The following PDE4D variants were observed in gnomAD, a reference collection of about 807,000 sequenced individuals.
PDE4D encodes the protein phosphodiesterase 4D, also known as 3',5'-cyclic-AMP phosphodiesterase 4D.
Under a neutral mutation model 87.4 loss-of-function variants are expected in PDE4D, and 24 were observed. That is an observed-to-expected ratio of 0.27 (90% CI 0.20 to 0.39). The LOEUF is 0.39. Ranked by LOEUF, PDE4D falls within the 10% of genes least tolerant of loss-of-function variation. PDE4D has a pLI of 1.00. For missense variants in PDE4D, 714 were observed against 1,041.0 expected (o/e 0.69, Z 4.32); for synonymous variants, 384 against 383.2 (o/e 1.00, Z -0.02).
chr5:59,879,741 T>G (rs137891207), intron 1 of PDE4D, among the ~76,000 whole-genome samples: 24 of 152,268 alleles, frequency 1.6e-4, no homozygotes, highest in Non-Finnish European at 2.5e-4. Context: ...TGTTTTTGGG[T>G]TTTTTTGTTG....
At chr5:60,211,332 T>C (rs375395599) in intron 1 of PDE4D, among the ~76,000 whole-genome samples, 15 of 151,972 alleles carry the variant, frequency 9.9e-5, no homozygotes, top group African/African-American at 2.4e-4. Context: ...ATTTTGCAGA[T>C]TGGGGAGCTA....
chr5:59,829,935 T>G (rs7718096), intron 1 of PDE4D, among the ~76,000 whole-genome samples: 1 of 151,608 alleles, frequency 6.6e-6, no homozygotes, highest in Non-Finnish European at 1.5e-5. Context: ...TTTTTAATTT[T>G]AAAAAAAATC....
chr5:60,436,831 C>A (rs1744796937), intron 1 of PDE4D, among the ~76,000 whole-genome samples: 1 of 152,012 alleles, frequency 6.6e-6, no homozygotes, highest in Non-Finnish European at 1.5e-5. Context: ...GAAAATTCAG[C>A]ACTGTTTTTA....
chr5:60,106,823 A>G (rs1776994766), intron 2 of PDE4D, among the ~76,000 whole-genome samples: 1 of 152,026 alleles, frequency 6.6e-6, no homozygotes, highest in Admixed American at 6.5e-5. Flanking sequence ...GAACAAAGAC[A>G]CAACATACCA....
chr5:59,751,573 T>TA lies in PDE4D; in HGVS notation c.455+141594_455+141595insT, dbSNP rs1760464216. On this transcript the variant is annotated intron_variant, in intron 1 of 14. Transcript: ENST00000340635. ...TGTTTCTTTTATACATATAAATCCC[T>TA]GGTGTGTGTGTGTGTGTGTGTGTGT... Among the ~76,000 whole-genome samples, 5 of 75,320 alleles carry TA rather than the reference T, an allele frequency of 6.6e-5. No individual in the cohort carries two copies. The South Asian group carries it at 2.3e-3, about 34-fold the overall frequency. 49.4% of individuals were successfully genotyped at this position (75,320 alleles called of 152,430 possible).
At chr5:58,977,902 C>T (rs866590374) in intron 11 of PDE4D, among the ~76,000 whole-genome samples, 9 of 152,156 alleles carry the variant, frequency 5.9e-5, no homozygotes, top group Admixed American at 3.3e-4. Context: ...TTCCAAGTAT[C>T]GTGGCAGTCA....
intron 1 of PDE4D, among the ~76,000 whole-genome samples, chr5:59,362,076 G>A (rs892085261): frequency 2.0e-5 from 3 of 152,144 alleles, no homozygotes; most frequent in African/African-American, 7.2e-5. Context: ...ACCTTGCTGA[G>A]TTTCAGTGTC....
intron 1 of PDE4D, among the ~76,000 whole-genome samples, chr5:59,472,990 T>C (rs1802691100): frequency 1.3e-5 from 2 of 150,710 alleles, no homozygotes; most frequent in South Asian, 4.2e-4. Context: ...AAGTTTAATC[T>C]AGCAATAAGA....
chr5:60,250,571 G>A (rs572400519), intron 1 of PDE4D, among the ~76,000 whole-genome samples: 15 of 151,858 alleles, frequency 9.9e-5, no homozygotes, highest in Middle Eastern at 3.2e-3. Context: ...CTATAGCCTA[G>A]TTATTAATAT....
chr5:59,761,980 G>A (rs1161122614), intron 1 of PDE4D, among the ~76,000 whole-genome samples: 1 of 152,062 alleles, frequency 6.6e-6, no homozygotes, highest in Non-Finnish European at 1.5e-5. Context: ...ACTTCACTAG[G>A]TGATTGGAAT....
chr5:58,974,507 A>G lies in PDE4D; in HGVS notation c.*157T>C. The G allele has an allele frequency of 1.8e-6, 1 of 548,728 alleles. No homozygotes were observed. The highest frequency in any genetic ancestry group is 3.1e-6 in the Non-Finnish European group (1 of 326,590). 34.0% of individuals were successfully genotyped at this position (548,728 alleles called of 1,614,324 possible). ...TGGAGGTGAAAAAACTGGTTACGAT[A>G]TTCCTGAGCGCTGGACTGAGTAGTC... On this transcript the variant is annotated 3_prime_UTR_variant, in exon 15 of 15. Coordinates refer to ENST00000340635, the MANE Select transcript of PDE4D (RefSeq NM_001104631.2).
chr5:59,536,226 C>T (rs1448591699), intron 1 of PDE4D, among the ~76,000 whole-genome samples: 1 of 151,948 alleles, frequency 6.6e-6, no homozygotes, highest in Non-Finnish European at 1.5e-5. Context: ...AGCTTTTGGG[C>T]CAGGCATGGT....
intron 1 of PDE4D, among the ~76,000 whole-genome samples, chr5:59,538,880 A>G (rs532268398): frequency 6.6e-6 from 1 of 152,258 alleles, no homozygotes; most frequent in South Asian, 2.1e-4. Context: ...GGTAATGTCA[A>G]GAACTCTCCA....
chr5:59,332,513 T>TA (rs1385512690), intron 1 of PDE4D, among the ~76,000 whole-genome samples: 2 of 152,170 alleles, frequency 1.3e-5, no homozygotes, highest in Admixed American at 6.5e-5. Context: ...GTATTTGATA[T>TA]AAAAAATCTT....
At chr5:59,835,928 C>T (rs1458469629) in intron 1 of PDE4D, among the ~76,000 whole-genome samples, 3 of 152,002 alleles carry the variant, frequency 2.0e-5, no homozygotes, top group African/African-American at 7.2e-5. Flanking sequence ...AAAACTGGAG[C>T]CTGACCGTCT....
chr5:59,159,361 A>G (rs1023158181), intron 5 of PDE4D, among the ~76,000 whole-genome samples: 2 of 151,816 alleles, frequency 1.3e-5, no homozygotes, highest in African/African-American at 4.8e-5. Flanking sequence ...TGAAATTCCT[A>G]GGCTCAAGTG....
intron 2 of PDE4D, among the ~76,000 whole-genome samples, chr5:60,109,665 G>A (rs981177854): frequency 6.6e-6 from 1 of 152,178 alleles, no homozygotes; most frequent in African/African-American, 2.4e-5. Flanking sequence ...TATACACCAT[G>A]GAATAATAAG....
chr5:59,228,458 A>G (rs959442270), intron 1 of PDE4D, among the ~76,000 whole-genome samples: 2 of 151,538 alleles, frequency 1.3e-5, no homozygotes, highest in Non-Finnish European at 2.9e-5. Flanking sequence ...AAAACAAGCA[A>G]GCAAAGAAAA....
At position 60,427,111 on chromosome 5, in the gene PDE4D, G is replaced by T. The variant is rs149628200; in HGVS notation, c.-90+60831C>A. Among the ~76,000 whole-genome samples, 134 of 152,214 alleles carry T rather than the reference G, an allele frequency of 8.8e-4. 1 individual carries two copies. The highest frequency in any genetic ancestry group is 3.2e-3 in the African/African-American group (133 of 41,538). On this transcript the variant is annotated intron_variant, in intron 1 of 16. Coordinates refer to the PDE4D transcript ENST00000502484. Reference sequence around the variant, plus strand: ...TAACGTAAATGTAATTGGAATCCTAGAAAGAAAAGCGAGTGAGAATGGGCC... The same window carrying T: ...TAACGTAAATGTAATTGGAATCCTATAAAGAAAAGCGAGTGAGAATGGGCC...
Sources: gnomAD v4.1 joint callset for allele counts (sites outside exome capture counted in the v4.1 genomes callset) on GRCh38, gnomAD v4.1.1 for gene constraint, MANE v1.5 for transcripts, NCBI Gene and HGNC (gene_info 2026-07-23, HGNC 2026-07-21) for gene names.